Variants in COL4A4 observed in about 807,000 individuals in gnomAD.
COL4A4 encodes collagen type IV alpha 4 chain.
In COL4A4, 105 loss-of-function variants were observed where a neutral mutation model predicts 192.9. The observed-to-expected ratio is 0.54, with a 90% CI of 0.46 to 0.64. The LOEUF is 0.64. COL4A4 is among the 30% of genes least tolerant of loss of function. The probability of loss-of-function intolerance (pLI) is 0.00; values close to 1 mark genes in which losing one functional copy is unlikely to be tolerated. For synonymous variants in COL4A4, 762 were observed against 769.9 expected, an observed-to-expected ratio of 0.99 and a Z score of 0.17; for missense variants, 1,967 against 2,169.3, an observed-to-expected ratio of 0.91 and a Z score of 1.85.
chr2:227,153,340 A>G (rs1367323471), intron 1 of COL4A4, among the ~76,000 whole-genome samples: 1 of 152,216 alleles, frequency 6.6e-6, no homozygotes, highest in Non-Finnish European at 1.5e-5. Context: ...TTCCCTCTAC[A>G]GGAAACTTCT....
At chr2:227,068,023 T>C in intron 25 of COL4A4, among the ~76,000 whole-genome samples, 1 of 145,244 alleles carries the variant, frequency 6.9e-6, no homozygotes, top group African/African-American at 2.6e-5. Context: ...CAATAAAAAA[T>C]GATAAAGGGG....
chr2:227,013,770 G>A (rs1352133687), intron 44 of COL4A4, among the ~76,000 whole-genome samples: 1 of 152,164 alleles, frequency 6.6e-6, no homozygotes, highest in African/African-American at 2.4e-5. Context: ...TTGCTTAAGT[G>A]GCTTTCACTG....
At chr2:226,973,280 T>C in the COL4A4 span, among the ~76,000 whole-genome samples, 2 of 152,342 alleles carry the variant, frequency 1.3e-5, no homozygotes. Flanking sequence ...AGAATGAGAT[T>C]TGCCTGGCAT....
intron 25 of COL4A4, among the ~76,000 whole-genome samples, chr2:227,073,981 T>C (rs1048482869): frequency 6.6e-6 from 1 of 152,054 alleles, no homozygotes; most frequent in Non-Finnish European, 1.5e-5. Context: ...CATATAGATA[T>C]TGGCCTCAGC....
At chr2:226,976,296 C>G in the COL4A4 span, among the ~76,000 whole-genome samples, 6 of 147,694 alleles carry the variant, frequency 4.1e-5, no homozygotes, top group African/African-American at 1.5e-4. Flanking sequence ...TGCCCACCCC[C>G]CTGGAGACAC....
chr2:226,974,439 G>A, the COL4A4 span, among the ~76,000 whole-genome samples: 219 of 152,074 alleles, frequency 1.4e-3, 2 homozygotes, highest in African/African-American at 4.4e-3. Flanking sequence ...GGGTTTCACC[G>A]TGTTAGCCAG....
In COL4A4 at chr2:227,005,684, A is replaced by C. The variant is rs1002541071; in HGVS notation, c.*1641T>G. 2 of 152,246 alleles carry C rather than the reference A, an allele frequency of 1.3e-5. No homozygotes were observed. Among genetic ancestry groups the C allele is most frequent in the African/African-American group, 4.8e-5 (2 of 41,460 alleles). The allele number at this position is 152,246 out of a possible 1,614,324, so 9.4% of individuals were successfully genotyped here. ...GCATATAAGAGCTCATTACAAATCA[A>C]GGTTTGGCAAGGAAAACATTTCTTA... On this transcript the variant is annotated 3_prime_UTR_variant, in exon 48 of 48. Transcript: ENST00000396625.
At chr2:227,080,603 G>A in intron 23 of COL4A4, 54 bp from the exon 24 acceptor site, 1 of 1,453,698 alleles carries the variant, frequency 6.9e-7, no homozygotes, top group South Asian at 1.1e-5. Flanking sequence ...GGGTAAAGTA[G>A]GATAGAGAGG....
chr2:227,060,370 G>T, intron 26 of COL4A4, 127 bp from the exon 27 acceptor site: 1 of 687,934 alleles, frequency 1.5e-6, no homozygotes, highest in Non-Finnish European at 2.5e-6. Context: ...AAGTAAGGAT[G>T]TTGCCTATCC....
At chr2:226,983,726 A>G in the COL4A4 span, among the ~76,000 whole-genome samples, 1 of 152,162 alleles carries the variant, frequency 6.6e-6, no homozygotes, top group African/African-American at 2.4e-5. Flanking sequence ...TCTGAGGGAA[A>G]TGTTGGCTAA....
At position 227,095,526 on chromosome 2, in the gene COL4A4, C is replaced by T. The variant is rs1055141340; in HGVS notation, c.1205-1237G>A. ...TCAGTGTGTTCAGATGAGGTCAAAA[C>T]GAATAATGCAACAGCAGGAAATCCT... On this transcript the variant is annotated intron_variant, in intron 19 of 47. Coordinates refer to ENST00000396625, the MANE Select transcript of COL4A4 (RefSeq NM_000092.5). Among the ~76,000 whole-genome samples the T allele has an allele frequency of 1.2e-4, 19 of 152,192 alleles. 1 individual carries two copies. The highest frequency in any genetic ancestry group is 2.8e-4 in the Non-Finnish European group (19 of 68,038).
In COL4A4 at chr2:227,051,158, C is replaced by G. The variant is rs759591544; in HGVS notation, c.2969G>C (p.Gly990Ala). Reference sequence around the variant, plus strand: ...TTGCATCCCGGGAGTTCCTTTATCACCTGATGAAGTTGGAAGTGTTACAGG... The same window carrying G: ...TTGCATCCCGGGAGTTCCTTTATCAGCTGATGAAGTTGGAAGTGTTACAGG... ...PGDDGFPGERGDKGTPGMQGR... is the reference protein window; with the variant it reads ...PGDDGFPGERADKGTPGMQGR... Residue 990 changes from glycine to alanine, a missense_variant and splice_region_variant, in exon 33 of 48, where the codon GGT becomes GCT. Gly to Ala is a moderately conservative substitution (Grantham distance 60). Transcript: ENST00000396625. 2.5e-6 allele frequency: 4 copies of G among 1,614,096 alleles called. No individual in the cohort carries two copies. The South Asian group carries it at 4.4e-5, about 18-fold the overall frequency.
At chr2:227,054,824 C>G in intron 30 of COL4A4, 87 bp from the exon 31 acceptor site, 1 of 1,434,898 alleles carries the variant, frequency 7.0e-7, no homozygotes, top group Non-Finnish European at 9.6e-7. Context: ...GAGTCTCACT[C>G]TGTCACCCAG....
chr2:227,000,495 T>C (rs575904968), downstream of COL4A4, among the ~76,000 whole-genome samples: 17 of 152,216 alleles, frequency 1.1e-4, no homozygotes, highest in Non-Finnish European at 2.1e-4. Flanking sequence ...CTGTGGCTGA[T>C]AAAATTATAA....
At chr2:227,134,855 T>C (rs953833538) in intron 4 of COL4A4, among the ~76,000 whole-genome samples, 39 of 152,180 alleles carry the variant, frequency 2.6e-4, no homozygotes, top group African/African-American at 9.4e-4. Context: ...CATCATAAGG[T>C]TTTGTTAATT....
At chr2:227,013,771 G>A (rs1407373688) in intron 44 of COL4A4, among the ~76,000 whole-genome samples, 1 of 152,152 alleles carries the variant, frequency 6.6e-6, no homozygotes, top group Non-Finnish European at 1.5e-5. Flanking sequence ...TGCTTAAGTG[G>A]CTTTCACTGT....
At chr2:227,073,014 C>G (rs568561881) in intron 25 of COL4A4, among the ~76,000 whole-genome samples, 1 of 152,134 alleles carries the variant, frequency 6.6e-6, no homozygotes, top group South Asian at 2.1e-4. Context: ...TTCACCACTC[C>G]TATTCAACAT....
chr2:227,112,260 T>C (rs2061254743), intron 8 of COL4A4, among the ~76,000 whole-genome samples: 1 of 151,826 alleles, frequency 6.6e-6, no homozygotes, highest in Non-Finnish European at 1.5e-5. Context: ...AGTTAAAATA[T>C]GACATTTCAA....
At chr2:227,149,483 C>T (rs536859898) in intron 1 of COL4A4, among the ~76,000 whole-genome samples, 2 of 152,158 alleles carry the variant, frequency 1.3e-5, no homozygotes, top group Non-Finnish European at 2.9e-5. Context: ...TGGTTTCAGG[C>T]TGCTAAAAGC....
Sources: allele counts gnomAD v4.1 joint callset (sites outside exome capture counted in the v4.1 genomes callset), GRCh38; gene constraint gnomAD v4.1.1; transcripts MANE v1.5; gene names NCBI Gene and HGNC (gene_info 2026-07-23, HGNC 2026-07-21).